APAF1: variants seen among roughly 807,000 people sequenced by gnomAD.
The protein encoded by APAF1 is apoptotic protease-activating factor 1.
In APAF1, 91 loss-of-function variants were observed where a neutral mutation model predicts 152.4. The ratio of observed to expected loss-of-function variants is 0.60; its 90% CI spans 0.50 to 0.71. The LOEUF is 0.71. APAF1 is among the 30% of genes least tolerant of loss of function. The probability of loss-of-function intolerance (pLI) is 0.00; values close to 1 mark genes in which losing one functional copy is unlikely to be tolerated. For missense variants in APAF1, 1,283 were observed against 1,472.0 expected (o/e 0.87, Z 2.10); for synonymous variants, 484 against 494.1 (o/e 0.98, Z 0.27).
intron 4 of APAF1, among the ~76,000 whole-genome samples, chr12:98,654,821 T>C (rs1042551804): frequency 1.3e-5 from 2 of 149,708 alleles, no homozygotes; most frequent in East Asian, 2.0e-4. Flanking sequence ...ATTTTCTTTT[T>C]TTTTTTTTTT....
chr12:98,678,996 G>C (rs528188858), intron 13 of APAF1, among the ~76,000 whole-genome samples: 6 of 152,192 alleles, frequency 3.9e-5, no homozygotes, highest in Non-Finnish European at 4.4e-5. Flanking sequence ...TGGGTGGAAG[G>C]GGGCGGGTCA....
chr12:98,669,029 G>A (rs879532747), intron 10 of APAF1, among the ~76,000 whole-genome samples: 34 of 152,040 alleles, frequency 2.2e-4, no homozygotes, highest in Middle Eastern at 3.2e-3. Flanking sequence ...TTATTTCTTG[G>A]TTATGATACA....
In APAF1 at chr12:98,683,184, T is replaced by C. The variant is rs1236019927; in HGVS notation, c.2088T>C (p.Asp696=). ...CTGGGGAACTAGTACACACCTATGA[T>C]GAGCACTCAGAGCAAGTCAATTGCT... ...SMTGELVHTY[D]EHSEQVNCCH... The change falls in exon 15 of 27, where the codon GAT becomes GAC. Residue 696 remains aspartate (D), a synonymous_variant. Coordinates refer to ENST00000551964, the MANE Select transcript of APAF1 (RefSeq NM_181861.2). 6.2e-7 allele frequency: 1 copy of C among 1,613,572 alleles called. No individual in the cohort carries two copies. The highest frequency in any genetic ancestry group is 8.5e-7 in the Non-Finnish European group (1 of 1,179,692).
At chr12:98,712,478 A>G (rs531110602) in intron 21 of APAF1, 43 bp downstream of exon 21, 2 of 1,075,742 alleles carry the variant, frequency 1.9e-6, no homozygotes, top group African/African-American at 1.5e-5. Context: ...ACAGAATTAA[A>G]TAAAACTAAT....
intron 16 of APAF1, among the ~76,000 whole-genome samples, chr12:98,687,377 A>T (rs948817858): frequency 1.3e-5 from 2 of 151,712 alleles, no homozygotes; most frequent in African/African-American, 4.8e-5. Context: ...AAAAAAAAAA[A>T]GTTCTGTAAT....
In APAF1 at chr12:98,723,262, C is replaced by T; in HGVS notation, c.3154C>T (p.Leu1052Phe). The T allele has an allele frequency of 6.2e-7, 1 of 1,613,322 alleles. No homozygotes were observed. Among genetic ancestry groups the T allele is most frequent in the Non-Finnish European group, 8.5e-7 (1 of 1,179,342 alleles). Reference protein sequence around the residue: ...GHQETVKDFRLLKNSRLLSWS... With the variant: ...GHQETVKDFRFLKNSRLLSWS... ...TCAGGAAACAGTGAAAGACTTTAGA[C>T]TCTTGAAAAATTCAAGACTGCTTTC... The change falls in exon 23 of 27, where the codon CTC becomes TTC. Residue 1052 changes from leucine (L) to phenylalanine (F), a missense_variant. Transcript: ENST00000551964.
chr12:98,682,227 G>A (rs1341182723), intron 14 of APAF1, among the ~76,000 whole-genome samples: 1 of 151,618 alleles, frequency 6.6e-6, no homozygotes, highest in Non-Finnish European at 1.5e-5. Flanking sequence ...CTAATTTTTT[G>A]TATTTTTAGT....
intron 5 of APAF1, among the ~76,000 whole-genome samples, chr12:98,661,724 C>G (rs765126284): frequency 1.3e-5 from 2 of 152,038 alleles, no homozygotes; most frequent in Non-Finnish European, 2.9e-5. Context: ...CTGCCCTGGC[C>G]TCCCAAAGTG....
intron 9 of APAF1, among the ~76,000 whole-genome samples, chr12:98,666,751 A>ACTAGAT (rs1301298843): frequency 6.6e-6 from 1 of 152,032 alleles, no homozygotes; most frequent in East Asian, 1.9e-4. Flanking sequence ...GTTTTGTGTG[A>ACTAGAT]TGTTTTTCCT....
At chr12:98,703,543 T>C in intron 18 of APAF1, 44 bp downstream of exon 18, 1 of 1,612,970 alleles carries the variant, frequency 6.2e-7, no homozygotes, top group Non-Finnish European at 8.5e-7. Flanking sequence ...TTTCCAGAGA[T>C]CAAAGGATGA....
chr12:98,688,018 G>A (rs1304176799), intron 16 of APAF1, among the ~76,000 whole-genome samples: 3 of 152,216 alleles, frequency 2.0e-5, no homozygotes. Flanking sequence ...CACCACGTTG[G>A]CCAGTCTGGG....
chr12:98,671,219 A>T, intron 11 of APAF1, 133 bp downstream of exon 11: 1 of 687,358 alleles, frequency 1.5e-6, no homozygotes, highest in East Asian at 2.7e-5. Flanking sequence ...ATTTTTGGTT[A>T]TTCTAATTAA....
At chr12:98,666,496 A>C in intron 9 of APAF1, 139 bp downstream of exon 9, 1 of 807,070 alleles carries the variant, frequency 1.2e-6, no homozygotes, top group Non-Finnish European at 1.9e-6. Flanking sequence ...CATTTTATAT[A>C]ACCATAGTAC....
At chr12:98,654,114 A>G (rs79089398) in intron 4 of APAF1, among the ~76,000 whole-genome samples, 5,580 of 152,212 alleles carry the variant, frequency 0.037, 153 homozygotes, top group Middle Eastern at 0.13. Context: ...CCCATAGTCA[A>G]GATGTTTAGA....
Position 98,648,772 on chromosome 12 carries a change from T to G in APAF1, c.285T>G (p.Ser95=). The change falls in exon 3 of 27, where the codon TCT becomes TCG. Residue 95 remains serine (S), a synonymous_variant. Transcript: ENST00000551964. ...TCCATGATGGCATTCCTGTTGTCTC[T>G]TCTTCCAGTGGTAAAGATTCAGTTA... ...ALLHDGIPVV[S]SSSGKDSVSG... The G allele has an allele frequency of 6.2e-7, 1 of 1,614,086 alleles. No homozygotes were observed. The highest frequency in any genetic ancestry group is 8.5e-7 in the Non-Finnish European group (1 of 1,179,986).
intron 5 of APAF1, among the ~76,000 whole-genome samples, chr12:98,662,173 A>G (rs2097666307): frequency 7.0e-6 from 1 of 142,748 alleles, no homozygotes; most frequent in African/African-American, 2.6e-5. Context: ...TTTGGCACTC[A>G]GTAAGTGATG....
Position 98,732,677 on chromosome 12 carries a change from T to C in APAF1, c.*111T>C. The C allele has an allele frequency of 1.4e-6, 1 of 720,834 alleles. No homozygotes were observed. The highest frequency in any genetic ancestry group is 2.3e-6 in the Non-Finnish European group (1 of 435,544). The allele number at this position is 720,834 out of a possible 1,614,324, so 44.7% of individuals were successfully genotyped here. A position where few individuals can be genotyped will look rare whatever the true frequency, so the allele number is the denominator to read the frequency against. ...AAAGCTCTTAATTGTTGTGCAGTAT[T>C]GCATTCATTACAAAAGTGTTTGTGG... On this transcript the variant is annotated 3_prime_UTR_variant, in exon 27 of 27. Transcript: ENST00000551964.
chr12:98,720,966 C>CA lies in APAF1; in HGVS notation c.3085-2218dup, dbSNP rs1024066145. 9.6e-5 allele frequency among the ~76,000 whole-genome samples: 13 copies of CA among 135,856 alleles called. 1 individual carries two copies. The highest frequency in any genetic ancestry group is 1.6e-4 in the African/African-American group (6 of 37,258). 89.1% of individuals were successfully genotyped at this position (135,856 alleles called of 152,430 possible). On this transcript the variant is annotated intron_variant, in intron 22 of 26. Coordinates refer to ENST00000551964, the MANE Select transcript of APAF1 (RefSeq NM_181861.2). ...TGGGCGACAGAGCAAGACTCTGTCT[C>CA]AAAAAAAAAGAAAAAAAAAATTTCC...
At chr12:98,667,334 T>C (rs1217498584) in intron 9 of APAF1, among the ~76,000 whole-genome samples, 179 bp from the exon 10 acceptor site, 1 of 152,134 alleles carries the variant, frequency 6.6e-6, no homozygotes, top group African/African-American at 2.4e-5. Flanking sequence ...CAGGCTAGTC[T>C]CGAAGTCCTG....
Sources: gnomAD v4.1 joint callset for allele counts (sites outside exome capture counted in the v4.1 genomes callset) on GRCh38, gnomAD v4.1.1 for gene constraint, MANE v1.5 for transcripts, NCBI Gene and HGNC (gene_info 2026-07-23, HGNC 2026-07-21) for gene names.